ABCA8: variants seen among roughly 807,000 people sequenced by gnomAD.
ABCA8 encodes ATP binding cassette subfamily A member 8.
ABCA8 carries 177 observed loss-of-function variants against 192.3 expected under a neutral mutation model. The ratio of observed to expected loss-of-function variants is 0.92; its 90% CI spans 0.81 to 1.04. The LOEUF is 1.04. Ranked by LOEUF, ABCA8 falls within the 50% of genes least tolerant of loss-of-function variation. ABCA8 has a pLI of 0.00. For missense variants in ABCA8, 1,915 were observed against 1,904.8 expected, an observed-to-expected ratio of 1.01 and a Z score of -0.10; for synonymous variants, 642 against 690.2, an observed-to-expected ratio of 0.93 and a Z score of 1.09.
intron 24 of ABCA8, among the ~76,000 whole-genome samples, chr17:68,887,888 AT>A (rs1168712515): frequency 4.8e-5 from 2 of 42,026 alleles, no homozygotes; most frequent in East Asian, 6.9e-3. Context: ...CTCCATATAT[AT>A]ATATATATAT....
chr17:68,872,005 G>A (rs994105821), intron 37 of ABCA8, among the ~76,000 whole-genome samples: 1 of 152,128 alleles, frequency 6.6e-6, no homozygotes, highest in Non-Finnish European at 1.5e-5. Context: ...GGTCCTTCGG[G>A]AGGTGTTTCA....
Position 68,891,548 on chromosome 17 carries a change from G to T in ABCA8, c.3085C>A (p.Leu1029Met). 6.2e-7 allele frequency: 1 copy of T among 1,613,160 alleles called. No individual in the cohort carries two copies. Among genetic ancestry groups the T allele is most frequent in the Non-Finnish European group, 8.5e-7 (1 of 1,179,778 alleles). ...GGTGGGCAACTCGATGTTAAAACCA[G>T]CCAGAACATGATATATGCCAGGAAT... Reference protein sequence around the residue: ...IGFLAYIMFWLVLTSSCPPYI... With the variant: ...IGFLAYIMFWMVLTSSCPPYI... The change falls in exon 24 of 40, where the codon CTG becomes ATG. Residue 1029 changes from leucine to methionine, a missense_variant. Coordinates refer to ENST00000586539, the MANE Select transcript of ABCA8 (RefSeq NM_001288985.2).
At chr17:68,921,215 G>A (rs1328608598) in intron 13 of ABCA8, among the ~76,000 whole-genome samples, 167 bp downstream of exon 13, 3 of 152,078 alleles carry the variant, frequency 2.0e-5, no homozygotes, top group Non-Finnish European at 4.4e-5. Context: ...TGGGGGGAGT[G>A]GGGAGGGATA....
intron 36 of ABCA8, 57 bp from the exon 37 acceptor site, chr17:68,875,457 T>G (rs1209599097): frequency 1.2e-6 from 2 of 1,607,496 alleles, no homozygotes; most frequent in African/African-American, 2.7e-5. Flanking sequence ...GTATGTTGTT[T>G]GAGAAACTTG....
chr17:68,881,712 T>C, intron 31 of ABCA8, 151 bp downstream of exon 31: 1 of 660,134 alleles, frequency 1.5e-6, no homozygotes, highest in Non-Finnish European at 2.7e-6. Flanking sequence ...TAATTTAAGT[T>C]AGAAATGAAA....
chr17:68,918,977 T>G (rs2067463558), intron 14 of ABCA8, among the ~76,000 whole-genome samples: 1 of 147,740 alleles, frequency 6.8e-6, no homozygotes, highest in Non-Finnish European at 1.5e-5. Flanking sequence ...GGAGCCAAAC[T>G]TTCCGGGTTT....
chr17:68,953,296 T>C (rs2068619415), intron 1 of ABCA8, among the ~76,000 whole-genome samples: 3 of 152,222 alleles, frequency 2.0e-5, no homozygotes, highest in Admixed American at 2.0e-4. Flanking sequence ...TCCTGACTTC[T>C]GAAGCAAGTG....
At chr17:68,884,885 C>A in intron 27 of ABCA8, 7 of 977,718 alleles carry the variant, frequency 7.2e-6, no homozygotes, top group Non-Finnish European at 7.3e-6. Flanking sequence ...AGATTAGGGA[C>A]ATTTCATTTG....
At chr17:68,868,903 G>A (rs908564463) in intron 38 of ABCA8, among the ~76,000 whole-genome samples, 3 of 152,050 alleles carry the variant, frequency 2.0e-5, no homozygotes, top group Non-Finnish European at 4.4e-5. Flanking sequence ...GTCAGTACTG[G>A]GCTTAATGCC....
intron 4 of ABCA8, 50 bp downstream of exon 4, chr17:68,940,708 A>C: frequency 6.6e-7 from 1 of 1,516,364 alleles, no homozygotes; most frequent in Non-Finnish European, 9.1e-7. Context: ...GCGGTCAAAT[A>C]AACCAAATAT....
chr17:68,955,220 T>C lies in ABCA8; in HGVS notation c.-168A>G, dbSNP rs1014033359. 2 of 152,158 alleles carry C rather than the reference T, an allele frequency of 1.3e-5. No individual in the cohort carries two copies. Among genetic ancestry groups the C allele is most frequent in the African/African-American group, 4.8e-5 (2 of 41,436 alleles). The allele number at this position is 152,158 out of a possible 1,614,324, so 9.4% of individuals were successfully genotyped here. A position where few individuals can be genotyped will look rare whatever the true frequency, so the allele number is the denominator to read the frequency against. ...ACAGAAAAAATACAGTGAACTTACT[T>C]CTGGGAAAATGGAAGCAAGGAATCT... On this transcript the variant is annotated splice_region_variant and 5_prime_UTR_variant, in exon 1 of 40. Transcript: ENST00000586539.
chr17:68,881,743 T>C, intron 31 of ABCA8, 120 bp downstream of exon 31: 1 of 713,126 alleles, frequency 1.4e-6, no homozygotes, highest in Non-Finnish European at 2.5e-6. Context: ...AAGCTGTCAT[T>C]GTCATTCTCC....
At chr17:68,926,459 G>T (rs1002286370) in intron 10 of ABCA8, among the ~76,000 whole-genome samples, 2 of 152,140 alleles carry the variant, frequency 1.3e-5, no homozygotes, top group Non-Finnish European at 2.9e-5. Flanking sequence ...ACAAAAAAAA[G>T]TCAGTGAGAT....
At chr17:68,915,443 A>G (rs1335258252) in intron 17 of ABCA8, among the ~76,000 whole-genome samples, 1 of 152,196 alleles carries the variant, frequency 6.6e-6, no homozygotes, top group Admixed American at 6.5e-5. Flanking sequence ...AAATCTAATA[A>G]TCCAATTCAA....
At chr17:68,876,011 A>G (rs552314123) in intron 35 of ABCA8, among the ~76,000 whole-genome samples, 17 of 152,318 alleles carry the variant, frequency 1.1e-4, no homozygotes, top group African/African-American at 4.1e-4. Flanking sequence ...CTTGTTTGTG[A>G]GAAGTCTGTG....
intron 4 of ABCA8, 149 bp downstream of exon 4, chr17:68,940,609 A>C: frequency 4.3e-6 from 3 of 691,714 alleles, no homozygotes; most frequent in Non-Finnish European, 7.3e-6. Flanking sequence ...GTGAGATGTT[A>C]CTTCCAATAA....
intron 2 of ABCA8, among the ~76,000 whole-genome samples, chr17:68,944,288 T>G (rs1237755109): frequency 7.8e-6 from 1 of 127,928 alleles, no homozygotes; most frequent in East Asian, 2.4e-4. Context: ...AACCTGCATG[T>G]TCAGCACATG....
chr17:68,885,251 A>G lies in ABCA8; in HGVS notation c.3494T>C (p.Phe1165Ser), dbSNP rs758185884. Residue 1165 changes from phenylalanine (F) to serine (S), a missense_variant, in exon 27 of 40, where the codon TTC becomes TCC. Transcript: ENST00000586539. Reference sequence around the variant, plus strand: ...TGTGGCAGGTGGTATTAAAAAAGTGAAGATAAATGGAATATCACTTTCGAA... The same window carrying G: ...TGTGGCAGGTGGTATTAAAAAAGTGGAGATAAATGGAATATCACTTTCGAA... ...SIFESDIPFIFTFLIPPATMI... is the reference protein window; with the variant it reads ...SIFESDIPFISTFLIPPATMI... 2 of 1,613,832 alleles carry G rather than the reference A, an allele frequency of 1.2e-6. No individual in the cohort carries two copies. Among genetic ancestry groups the G allele is most frequent in the Non-Finnish European group, 1.7e-6 (2 of 1,179,852 alleles).
intron 24 of ABCA8, 78 bp from the exon 25 acceptor site, chr17:68,887,584 C>G: frequency 8.5e-7 from 1 of 1,175,248 alleles, no homozygotes. Context: ...TCAAACAAAA[C>G]CTTTATTTGT....
Sources: gnomAD v4.1 joint callset for allele counts (sites outside exome capture counted in the v4.1 genomes callset) on GRCh38, gnomAD v4.1.1 for gene constraint, MANE v1.5 for transcripts, NCBI Gene and HGNC (gene_info 2026-07-23, HGNC 2026-07-21) for gene names.